SEMA4D: variants seen among roughly 807,000 people sequenced by gnomAD.
SEMA4D encodes semaphorin 4D, also known as semaphorin-4D.
A neutral mutation model predicts 74.8 loss-of-function variants in SEMA4D; 22 were observed. The ratio of observed to expected loss-of-function variants is 0.29; its 90% confidence interval spans 0.21 to 0.42. The LOEUF is 0.42. Among genes scored for constraint, SEMA4D ranks in the 10% least tolerant of loss-of-function variants. The pLI, the probability that SEMA4D is intolerant of heterozygous loss-of-function variation, is 1.00. For synonymous variants in SEMA4D, 445 were observed against 463.7 expected, an observed-to-expected ratio of 0.96 and a Z score of 0.52; for missense variants, 937 against 1,118.4, an observed-to-expected ratio of 0.84 and a Z score of 2.31.
intron 11 of SEMA4D, among the ~76,000 whole-genome samples, chr9:89,387,845 T>G (rs1231056187): frequency 2.0e-5 from 3 of 152,234 alleles, no homozygotes; most frequent in Non-Finnish European, 4.4e-5. Flanking sequence ...CGATACATAC[T>G]CAGGGAAGGA....
At chr9:89,396,586 G>T in intron 6 of SEMA4D, 151 bp downstream of exon 6, 1 of 682,774 alleles carries the variant, frequency 1.5e-6, no homozygotes, top group Non-Finnish European at 2.5e-6. Context: ...TTTCAGAGGG[G>T]CCACAAGCTG....
chr9:89,407,176 A>C (rs1843498262), intron 2 of SEMA4D, among the ~76,000 whole-genome samples: 1 of 152,238 alleles, frequency 6.6e-6, no homozygotes. Context: ...TTGGGTTGGC[A>C]GTGTGCCCAG....
downstream of SEMA4D, chr9:89,377,040 T>C: frequency 1.3e-6 from 2 of 1,537,036 alleles, no homozygotes; most frequent in Non-Finnish European, 1.8e-6. Flanking sequence ...GGGAGGGGCT[T>C]AGGAGACGAG....
intron 4 of SEMA4D, among the ~76,000 whole-genome samples, chr9:89,399,911 T>C (rs1472319448): frequency 1.4e-5 from 2 of 146,872 alleles, no homozygotes; most frequent in African/African-American, 5.1e-5. Context: ...GGCAGGAGAA[T>C]CTCTTGAACC....
intron 16 of SEMA4D, among the ~76,000 whole-genome samples, chr9:89,366,524 AC>A (rs1380270022): frequency 1.3e-5 from 2 of 152,220 alleles, no homozygotes; most frequent in African/African-American, 4.8e-5. Context: ...TTAAAAAAAA[AC>A]AAAACTTAAC....
chr9:89,418,261 G>T, intron 2 of SEMA4D: 1 of 706,162 alleles, frequency 1.4e-6, no homozygotes. Context: ...GGATCAGCTT[G>T]GCTTGCATGT....
exon 19 of SEMA4D, chr9:89,361,974 T>G: frequency 3.8e-6 from 1 of 261,456 alleles, no homozygotes. Flanking sequence ...GCTAACCCTG[T>G]TGGCTATTAG....
chr9:89,484,644 T>C lies in SEMA4D; in HGVS notation c.-310+13275A>G, dbSNP rs1825013393. 6.6e-6 allele frequency among the ~76,000 whole-genome samples: 1 copy of C among 150,988 alleles called. No homozygotes were observed. Among genetic ancestry groups the C allele is most frequent in the South Asian group, 2.1e-4 (1 of 4,774 alleles). On this transcript the variant is annotated intron_variant, in intron 1 of 15. Transcript: ENST00000422704. The surrounding 1 kb of genome is among the most constrained non-coding windows in gnomAD (Gnocchi z 4.1). The stretch of plus-strand genomic sequence containing the variant: ...GCGGTGTATGTATGCAGTATATATG[T>C]AGTGTGTGTGTGGTGTGGTGTGTGT...
Position 89,384,158 on chromosome 9 carries a change from T to C in SEMA4D, c.1446+2209A>G, listed in dbSNP as rs567430451. On this transcript the variant is annotated intron_variant, in intron 13 of 15. Coordinates refer to ENST00000422704, the MANE Select transcript of SEMA4D (RefSeq NM_001371194.2). ...GCATCTGCTGTGTGCGCCCAAGGAA[T>C]GGAAAGCAAGGACTTGAGGTATCTG... Among the ~76,000 whole-genome samples, 41 of 152,148 alleles carry C rather than the reference T, an allele frequency of 2.7e-4. 1 individual carries two copies. Among genetic ancestry groups the C allele is most frequent in the South Asian group, 1.7e-3 (8 of 4,808 alleles).
chr9:89,442,134 C>T (rs1851793175), intron 2 of SEMA4D, among the ~76,000 whole-genome samples: 1 of 131,464 alleles, frequency 7.6e-6, no homozygotes, highest in Admixed American at 7.3e-5. Flanking sequence ...TGTTTCCTTC[C>T]CTTTTCCCCT....
intron 2 of SEMA4D, chr9:89,449,625 T>C: frequency 1.7e-6 from 2 of 1,205,366 alleles, no homozygotes. Context: ...AACTATAAGA[T>C]GGGGGGGTGA....
intron 2 of SEMA4D, chr9:89,449,632 G>A (rs1853858652): frequency 1.6e-6 from 2 of 1,273,602 alleles, no homozygotes; most frequent in Non-Finnish European, 2.3e-6. Flanking sequence ...AGATGGGGGG[G>A]TGACATTGCC....
At chr9:89,436,870 G>A (rs1277815399) in intron 2 of SEMA4D, among the ~76,000 whole-genome samples, 1 of 152,224 alleles carries the variant, frequency 6.6e-6, no homozygotes, top group Non-Finnish European at 1.5e-5. Context: ...AGTCATCTGG[G>A]GGCTCCATGG....
rs1838138316 is a variant in SEMA4D, at chr9:89,385,094, C to T, written c.1446+1273G>A. 9 of 969,534 alleles carry T rather than the reference C, an allele frequency of 9.3e-6. No individual in the cohort carries two copies. The South Asian group carries it at 4.3e-4, about 46-fold the overall frequency. 60.1% of individuals were successfully genotyped at this position (969,534 alleles called of 1,614,324 possible). A position where few individuals can be genotyped will look rare whatever the true frequency, so the allele number is the denominator to read the frequency against. On this transcript the variant is annotated intron_variant, in intron 13 of 15. Coordinates refer to ENST00000422704, the MANE Select transcript of SEMA4D (RefSeq NM_001371194.2). ...GAGGCTCCCTGTGTGGCCAGCTGCC[C>T]TGGTGTGGCCATGTGACCGAGTTCT... is the stretch of plus-strand genomic sequence containing the variant.
chr9:89,450,314 C>CA (rs1213345219), intron 2 of SEMA4D: 4 of 923,936 alleles, frequency 4.3e-6, no homozygotes, highest in Non-Finnish European at 7.3e-6. Flanking sequence ...GAGACCCCTC[C>CA]AAACAGTATG....
intron 16 of SEMA4D, among the ~76,000 whole-genome samples, chr9:89,370,985 C>T (rs1447507118): frequency 1.6e-5 from 1 of 60,818 alleles, no homozygotes; most frequent in African/African-American, 6.9e-5. Context: ...CTGGGGTGAG[C>T]TGTGTCAGGG....
intron 1 of SEMA4D, among the ~76,000 whole-genome samples, chr9:89,476,549 A>G (rs1861799007): frequency 1.3e-5 from 2 of 152,218 alleles, no homozygotes; most frequent in Non-Finnish European, 1.5e-5. Context: ...CCCAAGGAGA[A>G]GAGCAGAAAG....
chr9:89,378,429 C>T lies in SEMA4D; in HGVS notation c.*275G>A, dbSNP rs1274714142. ...CCCCACTACAGAAAGGGCTCAGGAA[C>T]TCCGTGCCGCCCGTGGGCCTTCTTC... On this transcript the variant is annotated 3_prime_UTR_variant, in exon 16 of 16. Coordinates refer to ENST00000422704, the MANE Select transcript of SEMA4D (RefSeq NM_001371194.2). 2 of 394,074 alleles carry T rather than the reference C, an allele frequency of 5.1e-6. No homozygotes were observed. Among genetic ancestry groups the T allele is most frequent in the East Asian group, 9.4e-5 (2 of 21,192 alleles). 24.4% of individuals were successfully genotyped at this position (394,074 alleles called of 1,614,324 possible). A position where few individuals can be genotyped will look rare whatever the true frequency, so the allele number is the denominator to read the frequency against.
chr9:89,440,635 C>T (rs1025262506), intron 2 of SEMA4D, among the ~76,000 whole-genome samples: 1 of 152,238 alleles, frequency 6.6e-6, no homozygotes, highest in East Asian at 1.9e-4. Flanking sequence ...TCCCCGGCAC[C>T]TCGTGCAAGA....
Sources: gnomAD v4.1 joint callset for allele counts (sites outside exome capture counted in the v4.1 genomes callset) on GRCh38, gnomAD v4.1.1 for gene constraint, Gnocchi (gnomAD v3.1) non-coding constraint, MANE v1.5 for transcripts, NCBI Gene and HGNC (gene_info 2026-07-23, HGNC 2026-07-21) for gene names.